The following PLIN3 variants were observed in gnomAD, a reference collection of about 807,000 sequenced individuals.
PLIN3 encodes perilipin 3.
A neutral mutation model predicts 35.9 loss-of-function variants in PLIN3; 30 were observed. That is an observed-to-expected ratio of 0.84 (90% CI 0.62 to 1.13). The LOEUF (loss-of-function observed/expected upper bound fraction) is 1.13, where lower values mean the gene tolerates loss of function less well. Ranked by LOEUF, PLIN3 falls within the 50% of genes most tolerant of loss-of-function variation. The pLI is 0.00. For missense variants in PLIN3, 603 were observed against 596.9 expected, an observed-to-expected ratio of 1.01 and a Z score of -0.11; for synonymous variants, 261 against 262.5, an observed-to-expected ratio of 0.99 and a Z score of 0.06.
intron 7 of PLIN3, among the ~76,000 whole-genome samples, chr19:4,842,186 G>C (rs1016760336): frequency 1.4e-4 from 21 of 151,902 alleles, no homozygotes; most frequent in Non-Finnish European, 1.6e-4. Flanking sequence ...CAGCACTTTG[G>C]GGGGCCAAGA....
chr19:4,844,804 G>GGA lies in PLIN3; in HGVS notation c.835-13_835-12dup. On this transcript the variant is annotated splice_polypyrimidine_tract_variant and intron_variant, in intron 6 of 7. Coordinates refer to ENST00000221957, the MANE Select transcript of PLIN3 (RefSeq NM_005817.5). ...CTTGACAGTTTCCATCTGGGGCAGGGGAGAGAGAAGTGAGGGAAGGAGGCT... is the reference window on the plus strand; with the variant it reads ...CTTGACAGTTTCCATCTGGGGCAGGGGAGAGAGAGAAGTGAGGGAAGGAGGCT... 1.3e-6 allele frequency: 2 copies of GGA among 1,586,170 alleles called. No homozygotes were observed. The highest frequency in any genetic ancestry group is 2.3e-5 in the East Asian group (1 of 44,138).
chr19:4,846,359 ATCC>A (rs2030097096), intron 6 of PLIN3, among the ~76,000 whole-genome samples: 1 of 147,784 alleles, frequency 6.8e-6, no homozygotes, highest in Non-Finnish European at 1.5e-5. Context: ...AAATGAAGCT[ATCC>A]ATTAGGGTGG....
chr19:4,859,761 C>G, intron 3 of PLIN3, 65 bp downstream of exon 3: 1 of 1,596,200 alleles, frequency 6.3e-7, no homozygotes, highest in African/African-American at 1.3e-5. Flanking sequence ...TGGGTAGACC[C>G]CCCTACTCCC....
chr19:4,844,578 C>T (rs760651020), intron 7 of PLIN3, 90 bp downstream of exon 7: 405 of 1,339,112 alleles, frequency 3.0e-4, no homozygotes, highest in African/African-American at 4.3e-4. Flanking sequence ...GGAAATCATT[C>T]GAAGCAGGTA....
intron 5 of PLIN3, 79 bp from the exon 6 acceptor site, chr19:4,847,969 T>G (rs1260288017): frequency 2.6e-5 from 25 of 976,178 alleles, no homozygotes; most frequent in Non-Finnish European, 3.8e-5. Context: ...GTCCCAAGAA[T>G]CACACTGTCC....
intron 5 of PLIN3, among the ~76,000 whole-genome samples, chr19:4,849,255 G>T (rs1241326589): frequency 6.6e-6 from 1 of 151,938 alleles, no homozygotes; most frequent in Non-Finnish European, 1.5e-5. Context: ...TTACAGGTGT[G>T]AGCCATTGCA....
intron 2 of PLIN3, among the ~76,000 whole-genome samples, 166 bp downstream of exon 2, chr19:4,861,163 C>G (rs1435618378): frequency 6.6e-6 from 1 of 152,174 alleles, no homozygotes; most frequent in African/African-American, 2.4e-5. Context: ...CCCCTCCCAA[C>G]TGGGGACACC....
chr19:4,854,725 G>A (rs35508924), intron 4 of PLIN3, among the ~76,000 whole-genome samples: 32,368 of 151,790 alleles, frequency 0.21, 3,794 homozygotes, highest in East Asian at 0.36. Flanking sequence ...CAACACCACC[G>A]TCCCCCAGAA....
chr19:4,859,095 C>T (rs1026701958), intron 4 of PLIN3, among the ~76,000 whole-genome samples: 4 of 152,138 alleles, frequency 2.6e-5, no homozygotes, highest in Non-Finnish European at 4.4e-5. Context: ...TAAAGGGCCA[C>T]GTAACTAAGA....
intron 1 of PLIN3, among the ~76,000 whole-genome samples, chr19:4,865,214 C>A (rs1237220546): frequency 1.3e-5 from 2 of 150,980 alleles, no homozygotes; most frequent in African/African-American, 4.9e-5. Context: ...AAAAGCCAGG[C>A]ATGGTAGCTC....
intron 7 of PLIN3, among the ~76,000 whole-genome samples, chr19:4,841,585 G>A (rs79474916): frequency 0.013 from 1,929 of 147,712 alleles, 39 homozygotes; most frequent in African/African-American, 0.046. Context: ...GTATGCAAAT[G>A]AGATCTCAAT....
intron 7 of PLIN3, among the ~76,000 whole-genome samples, 160 bp downstream of exon 7, chr19:4,844,508 G>T (rs1218257102): frequency 6.6e-6 from 1 of 152,126 alleles, no homozygotes; most frequent in Admixed American, 6.6e-5. Flanking sequence ...CCCAAGAGGA[G>T]AAATCAAGGC....
Position 4,839,127 on chromosome 19 carries a change from G to T in PLIN3, c.*65C>A. On this transcript the variant is annotated 3_prime_UTR_variant, in exon 8 of 8. Coordinates refer to ENST00000221957, the MANE Select transcript of PLIN3 (RefSeq NM_005817.5). ...GAAAATAAGTTTGAAATGAGCCCCG[G>T]GTTGAGGACTCCAGAGCACAGCTGC... is the stretch of plus-strand genomic sequence containing the variant. The T allele has an allele frequency of 7.6e-7, 1 of 1,309,608 alleles. No individual in the cohort carries two copies. Among genetic ancestry groups the T allele is most frequent in the Non-Finnish European group, 1.1e-6 (1 of 941,688 alleles). 81.1% of individuals were successfully genotyped at this position (1,309,608 alleles called of 1,614,324 possible). A position where few individuals can be genotyped will look rare whatever the true frequency, so the allele number is the denominator to read the frequency against.
intron 4 of PLIN3, among the ~76,000 whole-genome samples, chr19:4,858,270 CAA>C (rs1188330437): frequency 3.9e-3 from 198 of 51,230 alleles, no homozygotes; most frequent in African/African-American, 0.015. Flanking sequence ...GACCCCGTCT[CAA>C]AAAAAAAAAA....
intron 4 of PLIN3, among the ~76,000 whole-genome samples, chr19:4,852,769 C>T (rs36114699): frequency 0.23 from 34,230 of 151,564 alleles, 4,199 homozygotes; most frequent in South Asian, 0.4. Context: ...GCCTCCGAAG[C>T]AGCTGGGATT....
At chr19:4,858,270 CA>C (rs1188330437) in intron 4 of PLIN3, among the ~76,000 whole-genome samples, 2,686 of 51,158 alleles carry the variant, frequency 0.053, 51 homozygotes, top group African/African-American at 0.16. Flanking sequence ...GACCCCGTCT[CA>C]AAAAAAAAAA....
chr19:4,844,170 G>A (rs1568373247), intron 7 of PLIN3, among the ~76,000 whole-genome samples: 2 of 151,888 alleles, frequency 1.3e-5, no homozygotes, highest in Non-Finnish European at 2.9e-5. Flanking sequence ...CTAGTCAGAA[G>A]TTGCTGCTAG....
intron 1 of PLIN3, among the ~76,000 whole-genome samples, chr19:4,864,139 G>C (rs1214995337): frequency 1.4e-4 from 10 of 71,612 alleles, no homozygotes; most frequent in Admixed American, 6.3e-4. Context: ...GTGTGTGTGT[G>C]TGTGTGTGTG....
intron 1 of PLIN3, among the ~76,000 whole-genome samples, chr19:4,865,501 A>C (rs1000443479): frequency 2.6e-5 from 4 of 151,230 alleles, no homozygotes; most frequent in African/African-American, 9.7e-5. Flanking sequence ...AAAAAAAAAA[A>C]CATGGGGCTA....
Sources: allele counts gnomAD v4.1 joint callset (sites outside exome capture counted in the v4.1 genomes callset), GRCh38; gene constraint gnomAD v4.1.1; transcripts MANE v1.5; gene names NCBI Gene and HGNC (gene_info 2026-07-23, HGNC 2026-07-21).